Variants in MTRF1 observed in about 807,000 individuals in gnomAD.
The protein encoded by MTRF1 is mitochondrial translation release factor 1.
A neutral mutation model predicts 62.9 loss-of-function variants in MTRF1; 51 were observed. That is an observed-to-expected ratio of 0.81 (90% CI 0.65 to 1.02). The LOEUF (loss-of-function observed/expected upper bound fraction) is 1.02. Ranked by LOEUF, MTRF1 falls within the 50% of genes least tolerant of loss-of-function variation. The pLI, the probability that MTRF1 is intolerant of heterozygous loss-of-function variation, is 0.00. For synonymous variants in MTRF1, 158 were observed against 181.9 expected, an observed-to-expected ratio of 0.87 and a Z score of 1.06; for missense variants, 446 against 530.0, an observed-to-expected ratio of 0.84 and a Z score of 1.56.
upstream of MTRF1, among the ~76,000 whole-genome samples, chr13:41,263,748 C>G (rs914236720): frequency 6.6e-6 from 1 of 151,824 alleles, no homozygotes; most frequent in South Asian, 2.1e-4. Flanking sequence ...CATCAGACAA[C>G]CGCCCCCGCG....
At chr13:41,309,687 C>T in the MTRF1 span, among the ~76,000 whole-genome samples, 2 of 152,076 alleles carry the variant, frequency 1.3e-5, no homozygotes, top group African/African-American at 2.4e-5. Context: ...GTCCAACCAA[C>T]TTAGGCTAGA....
the MTRF1 span, among the ~76,000 whole-genome samples, chr13:41,307,366 C>T: frequency 6.6e-6 from 1 of 152,156 alleles, no homozygotes; most frequent in Non-Finnish European, 1.5e-5. Flanking sequence ...TGGCTCATGC[C>T]TGTAATCCCA....
intron 5 of MTRF1, among the ~76,000 whole-genome samples, chr13:41,249,898 G>A (rs1355395528): frequency 1.3e-5 from 2 of 151,698 alleles, no homozygotes; most frequent in Non-Finnish European, 2.9e-5. Context: ...ACAGGCATGA[G>A]CCACCACACC....
At chr13:41,255,041 AATAAG>A (rs992581734) in intron 2 of MTRF1, among the ~76,000 whole-genome samples, 6 of 152,196 alleles carry the variant, frequency 3.9e-5, no homozygotes, top group Non-Finnish European at 8.8e-5. Context: ...TATAAACCCA[AATAAG>A]ATAAGATTTG....
the MTRF1 span, among the ~76,000 whole-genome samples, chr13:41,309,785 T>C: frequency 6.6e-6 from 1 of 152,114 alleles, no homozygotes; most frequent in East Asian, 1.9e-4. Flanking sequence ...TCACCTGAGG[T>C]CGGGAGTTTG....
chr13:41,272,799 A>G, the MTRF1 span, among the ~76,000 whole-genome samples: 3 of 152,120 alleles, frequency 2.0e-5, no homozygotes. Flanking sequence ...TCGTCATGGA[A>G]GCAGAAAATT....
At position 41,227,854 on chromosome 13, in the gene MTRF1, T is replaced by C. The variant is rs146133563; in HGVS notation, c.989-1286A>G. 4.0e-3 allele frequency among the ~76,000 whole-genome samples: 613 copies of C among 152,352 alleles called. 2 individuals are homozygous for C. The highest frequency in any genetic ancestry group is 0.01 in the Middle Eastern group (3 of 294). On this transcript the variant is annotated intron_variant, in intron 7 of 9. Transcript: ENST00000379480. ...TAGTAGGGCACTGAGGTTTCACCTC[T>C]ACTAGTTTAATCACTTCCTGACTGC...
At chr13:41,262,980 T>C (rs2040637614) in intron 1 of MTRF1, among the ~76,000 whole-genome samples, 1 of 152,196 alleles carries the variant, frequency 6.6e-6, no homozygotes. Flanking sequence ...GTTCTACTGA[T>C]AGATTTTAGG....
At chr13:41,248,594 G>A (rs2038604861) in intron 5 of MTRF1, among the ~76,000 whole-genome samples, 1 of 152,206 alleles carries the variant, frequency 6.6e-6, no homozygotes, top group African/African-American at 2.4e-5. Flanking sequence ...GACCTACAGA[G>A]AAGAGTGATC....
chr13:41,263,224 T>C (rs1277307723), intron 1 of MTRF1: 2 of 1,274,728 alleles, frequency 1.6e-6, no homozygotes, highest in African/African-American at 3.1e-5. Context: ...AATCTCAACA[T>C]TAAGGAAAAC....
the MTRF1 span, among the ~76,000 whole-genome samples, chr13:41,283,537 T>A: frequency 8.0e-5 from 12 of 149,294 alleles, no homozygotes; most frequent in Non-Finnish European, 1.6e-4. Context: ...AATTTGTTCA[T>A]ACCAGGACTC....
chr13:41,302,767 C>A, the MTRF1 span, among the ~76,000 whole-genome samples: 1 of 152,146 alleles, frequency 6.6e-6, no homozygotes, highest in Admixed American at 6.6e-5. Flanking sequence ...CTCAAGTGTT[C>A]CTCCTGCTTT....
At chr13:41,273,298 C>T in the MTRF1 span, among the ~76,000 whole-genome samples, 2 of 150,738 alleles carry the variant, frequency 1.3e-5, no homozygotes, top group African/African-American at 2.4e-5. Context: ...TGCACTCCAG[C>T]CTGGGCTACA....
intron 9 of MTRF1, 122 bp from the exon 10 acceptor site, chr13:41,217,350 C>A: frequency 1.8e-6 from 1 of 555,080 alleles, no homozygotes; most frequent in Non-Finnish European, 3.2e-6. Context: ...TACTAATGTT[C>A]TGTAATACAA....
intron 1 of MTRF1, chr13:41,261,845 A>T (rs908092723): frequency 1.4e-5 from 13 of 955,386 alleles, no homozygotes; most frequent in Non-Finnish European, 1.5e-5. Context: ...GAAAAGTTCA[A>T]GTATTAATAG....
chr13:41,246,956 G>A (rs1429181236), intron 5 of MTRF1, among the ~76,000 whole-genome samples: 7 of 152,296 alleles, frequency 4.6e-5, no homozygotes, highest in Admixed American at 1.3e-4. Context: ...GTTTCCTTAT[G>A]TGTAAATAAT....
chr13:41,282,599 C>G, the MTRF1 span, among the ~76,000 whole-genome samples: 5 of 152,342 alleles, frequency 3.3e-5, no homozygotes, highest in Admixed American at 3.3e-4. Context: ...TAGTTGACTA[C>G]CTTCCCTACG....
the MTRF1 span, among the ~76,000 whole-genome samples, chr13:41,303,169 A>T: frequency 6.6e-6 from 1 of 152,114 alleles, no homozygotes; most frequent in South Asian, 2.1e-4. Context: ...TCAATAACAA[A>T]AACAGATAAG....
Position 41,254,538 on chromosome 13 carries a change from C to T in MTRF1, c.498G>A (p.Leu166=), listed in dbSNP as rs1301952124. ...RQTIDQKINM[L]YNELFQSLVP... is the part of the protein sequence containing the mutation. Reference sequence around the variant, plus strand: ...ACCTCTGAAAACCTACCTCATTGTACAACATGTTGATTTTTTGATCAATGG... The same window carrying T: ...ACCTCTGAAAACCTACCTCATTGTATAACATGTTGATTTTTTGATCAATGG... The change falls in exon 3 of 10, where the codon TTG becomes TTA. Residue 166 remains leucine (L), a synonymous_variant. Coordinates refer to ENST00000379480, the MANE Select transcript of MTRF1 (RefSeq NM_004294.4). The T allele has an allele frequency of 1.2e-6, 2 of 1,612,896 alleles. No individual in the cohort carries two copies. The highest frequency in any genetic ancestry group is 1.7e-6 in the Non-Finnish European group (2 of 1,179,220).
Sources: gnomAD v4.1 joint callset for allele counts (sites outside exome capture counted in the v4.1 genomes callset) on GRCh38, gnomAD v4.1.1 for gene constraint, MANE v1.5 for transcripts, NCBI Gene and HGNC (gene_info 2026-07-23, HGNC 2026-07-21) for gene names.